PARD3B: variants seen among roughly 807,000 people sequenced by gnomAD.
PARD3B encodes the protein par-3 family cell polarity regulator beta.
A neutral mutation model predicts 130.2 loss-of-function variants in PARD3B; 103 were observed. The ratio of observed to expected loss-of-function variants is 0.79; its 90% CI spans 0.67 to 0.93. The LOEUF (loss-of-function observed/expected upper bound fraction) is 0.93. Among genes scored for constraint, PARD3B ranks in the 40% least tolerant of loss-of-function variants. The probability of loss-of-function intolerance (pLI) is 0.00; values close to 1 mark genes in which losing one functional copy is unlikely to be tolerated. For missense variants in PARD3B, 1,609 were observed against 1,499.2 expected, an observed-to-expected ratio of 1.07 and a Z score of -1.21; for synonymous variants, 583 against 553.2, an observed-to-expected ratio of 1.05 and a Z score of -0.76.
At chr2:205,050,188 TTAA>T (rs967717656) in intron 4 of PARD3B, among the ~76,000 whole-genome samples, 35 of 148,156 alleles carry the variant, frequency 2.4e-4, no homozygotes, top group African/African-American at 8.6e-4. Context: ...TTAATATATA[TTAA>T]TATATAAATA....
chr2:205,498,612 A>G (rs2050034575), intron 20 of PARD3B, among the ~76,000 whole-genome samples: 1 of 152,248 alleles, frequency 6.6e-6, no homozygotes. Context: ...TGTGTAAGGC[A>G]GGACAAAAGA....
In PARD3B at chr2:205,585,239, T is replaced by C. The variant is rs2106582457; in HGVS notation, c.3261-30217T>C. Among the ~76,000 whole-genome samples the C allele has an allele frequency of 6.6e-6, 1 of 152,298 alleles. No individual in the cohort carries two copies. Among genetic ancestry groups the C allele is most frequent in the South Asian group, 2.1e-4 (1 of 4,820 alleles). On this transcript the variant is annotated intron_variant, in intron 22 of 22. Coordinates refer to ENST00000406610, the MANE Select transcript of PARD3B (RefSeq NM_001302769.2). The surrounding 1 kb of genome is among the most constrained non-coding windows in gnomAD (Gnocchi z 5.4). ...ACAGGCTGGGAGATGAAAATGTGTA[T>C]GCCCTATCCCACAAAGTAAATGCTG... is the stretch of plus-strand genomic sequence containing the variant.
rs1429684476 is a variant in PARD3B at position 205,300,221 on chromosome 2, C to G, written c.2186-309C>G. Among the ~76,000 whole-genome samples, 1 of 152,122 alleles carries G rather than the reference C, an allele frequency of 6.6e-6. No homozygotes were observed. The highest frequency in any genetic ancestry group is 1.9e-4 in the East Asian group (1 of 5,192). On this transcript the variant is annotated intron_variant, in intron 16 of 22. Coordinates refer to ENST00000406610, the MANE Select transcript of PARD3B (RefSeq NM_001302769.2). The surrounding 1 kb of genome is among the most constrained non-coding windows in gnomAD (Gnocchi z 4.1). ...ACATAGTCTCTATAAATAGCTACAG[C>G]CTTTCAAATTCATAGGTGTGTGTGT...
chr2:204,585,092 G>T (rs368249572), intron 1 of PARD3B, among the ~76,000 whole-genome samples: 1 of 152,178 alleles, frequency 6.6e-6, no homozygotes, highest in African/African-American at 2.4e-5. Flanking sequence ...GGGGGCTAGA[G>T]ATGCCACCTG....
At chr2:204,660,549 A>G (rs1021246616) in intron 1 of PARD3B, among the ~76,000 whole-genome samples, 2 of 152,164 alleles carry the variant, frequency 1.3e-5, no homozygotes, top group South Asian at 4.1e-4. Context: ...TGTCTCTGGA[A>G]GGAGTTCAGA....
At chr2:204,742,247 T>G (rs1248240773) in intron 2 of PARD3B, among the ~76,000 whole-genome samples, 2 of 152,240 alleles carry the variant, frequency 1.3e-5, no homozygotes, top group African/African-American at 4.8e-5. Context: ...ATTATACGTA[T>G]ATGTATATGT....
chr2:204,983,606 A>T (rs1489682095), intron 3 of PARD3B, among the ~76,000 whole-genome samples: 1 of 152,176 alleles, frequency 6.6e-6, no homozygotes, highest in Non-Finnish European at 1.5e-5. Context: ...TATTGAAGTT[A>T]AAGGGCACTT....
intron 1 of PARD3B, among the ~76,000 whole-genome samples, chr2:204,657,295 A>C (rs2035670934): frequency 1.3e-5 from 2 of 152,186 alleles, no homozygotes; most frequent in African/African-American, 4.8e-5. Context: ...AAGCCAAGGC[A>C]GGAGGATTTT....
intron 2 of PARD3B, among the ~76,000 whole-genome samples, chr2:204,760,012 A>G (rs909149066): frequency 1.3e-5 from 2 of 152,148 alleles, no homozygotes; most frequent in Admixed American, 1.3e-4. Flanking sequence ...GTTAATCAGT[A>G]ACAAATATCC....
At chr2:204,605,781 A>G (rs75606638) in intron 1 of PARD3B, among the ~76,000 whole-genome samples, 2,211 of 152,266 alleles carry the variant, frequency 0.015, 48 homozygotes, top group African/African-American at 0.051. Flanking sequence ...AGGATATACA[A>G]TGTCATTAGA....
intron 1 of PARD3B, among the ~76,000 whole-genome samples, chr2:204,617,281 C>G (rs1377838831): frequency 6.6e-6 from 1 of 152,206 alleles, no homozygotes; most frequent in East Asian, 1.9e-4. Context: ...TTGATTCTTT[C>G]AAGCCTCCTT....
chr2:205,377,148 G>A (rs1441938205), intron 18 of PARD3B, among the ~76,000 whole-genome samples: 1 of 152,110 alleles, frequency 6.6e-6, no homozygotes, highest in Non-Finnish European at 1.5e-5. Context: ...GCAAAGCCAA[G>A]TTTCAGTTAC....
intron 21 of PARD3B, among the ~76,000 whole-genome samples, chr2:205,534,416 G>C (rs370215881): frequency 1.3e-5 from 2 of 152,102 alleles, no homozygotes. Flanking sequence ...GAGAATGGAC[G>C]GAGGCCAGAG....
intron 4 of PARD3B, among the ~76,000 whole-genome samples, chr2:205,054,788 C>T (rs1160359818): frequency 6.6e-6 from 1 of 152,068 alleles, no homozygotes; most frequent in African/African-American, 2.4e-5. Context: ...AAGAAACTTA[C>T]AACCTCGTTA....
chr2:204,683,124 CAG>C (rs375116939), intron 1 of PARD3B, among the ~76,000 whole-genome samples: 9 of 151,962 alleles, frequency 5.9e-5, no homozygotes, highest in African/African-American at 1.9e-4. Context: ...ATTTTAAAAA[CAG>C]ATACAATAAT....
At chr2:205,502,417 G>T (rs535506567) in intron 21 of PARD3B, among the ~76,000 whole-genome samples, 2 of 152,124 alleles carry the variant, frequency 1.3e-5, no homozygotes, top group Non-Finnish European at 2.9e-5. Context: ...CAAGGGATGC[G>T]CCACGTGGTC....
At chr2:204,867,594 C>G (rs180857518) in intron 2 of PARD3B, among the ~76,000 whole-genome samples, 1 of 152,276 alleles carries the variant, frequency 6.6e-6, no homozygotes, top group African/African-American at 2.4e-5. Context: ...CACCTTTGAG[C>G]ATTGTTCCAT....
At position 205,151,303 on chromosome 2, in the gene PARD3B, C is replaced by G. The variant is rs558721524; in HGVS notation, c.1435-7419C>G. 9.9e-5 allele frequency among the ~76,000 whole-genome samples: 15 copies of G among 152,176 alleles called. 1 individual carries two copies. Among genetic ancestry groups the G allele is most frequent in the African/African-American group, 3.1e-4 (13 of 41,534 alleles). On this transcript the variant is annotated intron_variant, in intron 10 of 22. Coordinates refer to ENST00000406610, the MANE Select transcript of PARD3B (RefSeq NM_001302769.2). Reference sequence around the variant, plus strand: ...CTGTTTGGTGCAGAGCTGAGTTCAACTCCTGGATATCCTTGTTAACTTTCT... The same window carrying G: ...CTGTTTGGTGCAGAGCTGAGTTCAAGTCCTGGATATCCTTGTTAACTTTCT...
intron 2 of PARD3B, among the ~76,000 whole-genome samples, chr2:204,739,988 TTTTC>T (rs1420473226): frequency 6.6e-6 from 1 of 151,512 alleles, no homozygotes; most frequent in East Asian, 1.9e-4. Flanking sequence ...TTTAATTCTG[TTTTC>T]TTTCTTTCTT....
Sources: allele counts gnomAD v4.1 joint callset (sites outside exome capture counted in the v4.1 genomes callset), GRCh38; gene constraint gnomAD v4.1.1; non-coding constraint Gnocchi (gnomAD v3.1); transcripts MANE v1.5; gene names NCBI Gene and HGNC (gene_info 2026-07-23, HGNC 2026-07-21).